The following TMEM178A variants were observed in gnomAD, a reference collection of about 807,000 sequenced individuals.
TMEM178A encodes transmembrane protein 178.
A neutral mutation model predicts 29.1 loss-of-function variants in TMEM178A; 12 were observed. The observed-to-expected ratio is 0.41, with a 90% CI of 0.26 to 0.67. The LOEUF (loss-of-function observed/expected upper bound fraction) is 0.67. Among genes scored for constraint, TMEM178A ranks in the 30% least tolerant of loss-of-function variants. The probability of loss-of-function intolerance (pLI) is 0.29; values close to 1 mark genes in which losing one functional copy is unlikely to be tolerated. For synonymous variants in TMEM178A, 210 were observed against 187.2 expected (o/e 1.12, Z -0.99); for missense variants, 366 against 419.1 (o/e 0.87, Z 1.11).
intron 1 of TMEM178A, among the ~76,000 whole-genome samples, chr2:39,691,232 A>G (rs1169391718): frequency 6.6e-6 from 1 of 152,210 alleles, no homozygotes; most frequent in Non-Finnish European, 1.5e-5. Context: ...AGAACCCTTA[A>G]TAGGCTGAAC....
At chr2:39,688,097 G>T (rs1280366534) in intron 1 of TMEM178A, among the ~76,000 whole-genome samples, 1 of 152,220 alleles carries the variant, frequency 6.6e-6, no homozygotes, top group African/African-American at 2.4e-5. Flanking sequence ...TATCAGTCCT[G>T]TTTAATTATG....
At chr2:39,716,907 CT>C in intron 3 of TMEM178A, 102 bp from the exon 4 acceptor site, 1 of 1,341,026 alleles carries the variant, frequency 7.5e-7, no homozygotes, top group Non-Finnish European at 1.0e-6. Flanking sequence ...TTTGGAGTGA[CT>C]GCCTCAGTGG....
intron 3 of TMEM178A, among the ~76,000 whole-genome samples, chr2:39,712,811 A>C (rs1209332795): frequency 6.6e-6 from 1 of 152,180 alleles, no homozygotes; most frequent in Non-Finnish European, 1.5e-5. Flanking sequence ...GGACCATTAG[A>C]TTTTGAACTT....
rs970061523 is a variant in TMEM178A at position 39,717,206 on chromosome 2, G to A, written c.849G>A (p.Arg283=). Residue 283 remains arginine (R), a synonymous_variant, in exon 4 of 4, where the codon CGG becomes CGA. Transcript: ENST00000281961. ...GCATCGCTTATCCGTTTATTAGCCGGACCAAGATTGCACAGCTAAAGTCTG... is the reference window on the plus strand; with the variant it reads ...GCATCGCTTATCCGTTTATTAGCCGAACCAAGATTGCACAGCTAAAGTCTG... The part of the protein sequence containing the change: ...GLCIAYPFIS[R]TKIAQLKSGR... 1.2e-6 allele frequency: 2 copies of A among 1,613,420 alleles called. No individual in the cohort carries two copies. The highest frequency in any genetic ancestry group is 1.7e-5 in the Admixed American group (1 of 59,882).
At chr2:39,700,395 T>C (rs1316829887) in intron 1 of TMEM178A, among the ~76,000 whole-genome samples, 1 of 152,304 alleles carries the variant, frequency 6.6e-6, no homozygotes, top group East Asian at 1.9e-4. Context: ...ATCTTCTTGA[T>C]GGATAGACCC....
At chr2:39,698,310 T>C (rs1330764082) in intron 1 of TMEM178A, among the ~76,000 whole-genome samples, 2 of 152,240 alleles carry the variant, frequency 1.3e-5, no homozygotes, top group African/African-American at 2.4e-5. Flanking sequence ...TCGGATTCTT[T>C]TACTCATTTA....
intron 3 of TMEM178A, among the ~76,000 whole-genome samples, chr2:39,708,345 A>G (rs1213168126): frequency 2.1e-5 from 3 of 144,764 alleles, no homozygotes; most frequent in Non-Finnish European, 4.5e-5. Context: ...CATGGTGGAG[A>G]GCTTGGATTT....
downstream of TMEM178A, among the ~76,000 whole-genome samples, chr2:39,719,569 T>G (rs1009901236): frequency 1.3e-5 from 2 of 152,254 alleles, no homozygotes; most frequent in African/African-American, 2.4e-5. Context: ...ATGTTGCCAG[T>G]GCTGGGCATT....
At chr2:39,730,771 CCAGA>C in the TMEM178A span, among the ~76,000 whole-genome samples, 99 of 152,262 alleles carry the variant, frequency 6.5e-4, no homozygotes, top group African/African-American at 2.2e-3. Flanking sequence ...GCCAGGGAGC[CCAGA>C]CACTCTAGTG....
downstream of TMEM178A, among the ~76,000 whole-genome samples, chr2:39,718,290 G>C (rs78889172): frequency 0.035 from 5,299 of 151,808 alleles, 312 homozygotes; most frequent in African/African-American, 0.12. Flanking sequence ...AGGATACATG[G>C]TCTCTGTTTT....
intron 1 of TMEM178A, among the ~76,000 whole-genome samples, chr2:39,703,773 A>T (rs1174652851): frequency 1.3e-5 from 2 of 152,228 alleles, no homozygotes; most frequent in Non-Finnish European, 2.9e-5. Context: ...TAAAATTCTA[A>T]GCTGATTTTC....
intron 1 of TMEM178A, among the ~76,000 whole-genome samples, chr2:39,667,198 ACT>A (rs1251745526): frequency 6.6e-6 from 1 of 151,570 alleles, no homozygotes; most frequent in Non-Finnish European, 1.5e-5. Flanking sequence ...TCTGCTTATC[ACT>A]CTGTCTTCTG....
At chr2:39,687,833 A>C (rs1055345782) in intron 1 of TMEM178A, among the ~76,000 whole-genome samples, 60 of 152,386 alleles carry the variant, frequency 3.9e-4, no homozygotes, top group African/African-American at 1.4e-3. Context: ...GGGCATGATC[A>C]GATGTAGTCA....
At chr2:39,678,039 C>G (rs999004571) in intron 1 of TMEM178A, among the ~76,000 whole-genome samples, 5 of 151,988 alleles carry the variant, frequency 3.3e-5, no homozygotes, top group African/African-American at 1.2e-4. Flanking sequence ...CAGGAAGGAA[C>G]AGATGAGCAA....
chr2:39,712,885 T>C (rs1005547114), intron 3 of TMEM178A, among the ~76,000 whole-genome samples: 2 of 152,238 alleles, frequency 1.3e-5, no homozygotes, highest in African/African-American at 2.4e-5. Flanking sequence ...TTGCATTAAT[T>C]AGATTGCTGC....
At chr2:39,726,557 T>C in the TMEM178A span, among the ~76,000 whole-genome samples, 2 of 152,126 alleles carry the variant, frequency 1.3e-5, no homozygotes, top group African/African-American at 4.8e-5. Context: ...ATAAGAGTGA[T>C]AAAATCTGGC....
At chr2:39,687,765 T>C (rs1671145031) in intron 1 of TMEM178A, among the ~76,000 whole-genome samples, 1 of 152,228 alleles carries the variant, frequency 6.6e-6, no homozygotes, top group Non-Finnish European at 1.5e-5. Flanking sequence ...ATAAAGGCAA[T>C]GCCATGTGTC....
intron 1 of TMEM178A, 79 bp downstream of exon 1, chr2:39,666,453 C>T: frequency 8.7e-7 from 1 of 1,153,348 alleles, no homozygotes; most frequent in Non-Finnish European, 1.1e-6. Context: ...CGCGCCGGTC[C>T]CCGCAGCCCC....
intron 3 of TMEM178A, among the ~76,000 whole-genome samples, chr2:39,709,850 A>G (rs1283452464): frequency 6.6e-6 from 1 of 152,246 alleles, no homozygotes; most frequent in Non-Finnish European, 1.5e-5. Context: ...CTTTAAATAT[A>G]TGTACTGCCT....
Sources: gnomAD v4.1 joint callset for allele counts (sites outside exome capture counted in the v4.1 genomes callset) on GRCh38, gnomAD v4.1.1 for gene constraint, MANE v1.5 for transcripts, NCBI Gene and HGNC (gene_info 2026-07-23, HGNC 2026-07-21) for gene names.